CDH18: variants seen among roughly 807,000 people sequenced by gnomAD.
CDH18 encodes the protein cadherin 18, also known as cadherin-18.
Under a neutral mutation model 67.9 loss-of-function variants are expected in CDH18, and 31 were observed. That is an observed-to-expected ratio of 0.46 (90% CI 0.34 to 0.62). CDH18 has a LOEUF of 0.62. Ranked by LOEUF, CDH18 falls within the 20% of genes least tolerant of loss-of-function variation. The pLI, the probability that CDH18 is intolerant of heterozygous loss-of-function variation, is 0.01. For synonymous variants in CDH18, 362 were observed against 347.2 expected (o/e 1.04, Z -0.48); for missense variants, 890 against 975.5 (o/e 0.91, Z 1.17).
intron 5 of CDH18, among the ~76,000 whole-genome samples, chr5:19,632,246 A>C (rs1296330986): frequency 6.6e-6 from 1 of 152,152 alleles, no homozygotes; most frequent in South Asian, 2.1e-4. Flanking sequence ...CAATTCCTGA[A>C]CCGTTCTCTG....
chr5:20,189,935 C>A (rs78393571), intron 2 of CDH18, among the ~76,000 whole-genome samples: 3,524 of 152,206 alleles, frequency 0.023, 124 homozygotes, highest in African/African-American at 0.08. Context: ...CCTTTTAATT[C>A]TTGGTAGGCT....
chr5:19,546,620 T>G (rs1371227307), intron 8 of CDH18, among the ~76,000 whole-genome samples: 1 of 152,156 alleles, frequency 6.6e-6, no homozygotes, highest in Non-Finnish European at 1.5e-5. Context: ...GAACAGAGTG[T>G]AAGTGGAATT....
intron 3 of CDH18, among the ~76,000 whole-genome samples, chr5:19,764,144 C>A: frequency 6.7e-6 from 1 of 149,994 alleles, no homozygotes. Flanking sequence ...ACTCTGCACT[C>A]CAGCCTGGGC....
chr5:19,945,345 T>C (rs1265310047), intron 2 of CDH18, among the ~76,000 whole-genome samples: 1 of 152,164 alleles, frequency 6.6e-6, no homozygotes, highest in Non-Finnish European at 1.5e-5. Context: ...ATTGAAATTC[T>C]AGCACACAAA....
At chr5:20,099,314 T>C (rs1746258155) in intron 2 of CDH18, among the ~76,000 whole-genome samples, 1 of 152,162 alleles carries the variant, frequency 6.6e-6, no homozygotes, top group South Asian at 2.1e-4. Context: ...TGATCAGGCA[T>C]TCATTAGTCA....
At chr5:19,725,778 C>T (rs753191906) in intron 4 of CDH18, among the ~76,000 whole-genome samples, 4 of 152,066 alleles carry the variant, frequency 2.6e-5, no homozygotes, top group Admixed American at 6.6e-5. Context: ...TCAACAACAA[C>T]AACAACAAAA....
rs190884680 is a variant in CDH18 at position 19,957,358 on chromosome 5, A to G, written c.-257+23702T>C. Reference sequence around the variant, plus strand: ...TTATAATTTATATTTATATGTCATTATATACATCAATAATAATATATCATA... The same window carrying G: ...TTATAATTTATATTTATATGTCATTGTATACATCAATAATAATATATCATA... On this transcript the variant is annotated intron_variant, in intron 2 of 12. Coordinates refer to ENST00000382275, the MANE Select transcript of CDH18 (RefSeq NM_004934.5). Among the ~76,000 whole-genome samples, 764 of 151,122 alleles carry G rather than the reference A, an allele frequency of 5.1e-3. 5 individuals carry two copies. The highest frequency in any genetic ancestry group is 5.5e-3 in the Non-Finnish European group (375 of 67,740).
At position 20,432,278 on chromosome 5, in the gene CDH18, G is replaced by A. The variant is rs531047878; in HGVS notation, c.-580+143184C>T. Among the ~76,000 whole-genome samples the A allele has an allele frequency of 1.7e-3, 260 of 152,168 alleles. 1 individual carries two copies. The highest frequency in any genetic ancestry group is 6.8e-3 in the Middle Eastern group (2 of 294). ...CCCAAAATACTAATTATTATTTTCC[G>A]CTGTTCAATCTCATTCAGAGCCTAA... On this transcript the variant is annotated intron_variant, in intron 1 of 14. Coordinates refer to the CDH18 transcript ENST00000507958.
chr5:19,530,652 C>T (rs1748451225), intron 9 of CDH18, among the ~76,000 whole-genome samples: 1 of 151,840 alleles, frequency 6.6e-6, no homozygotes, highest in African/African-American at 2.4e-5. Context: ...TCTCATTGTT[C>T]AATTCCCACC....
At chr5:20,292,983 CA>C (rs1220450743) in intron 1 of CDH18, among the ~76,000 whole-genome samples, 2 of 152,100 alleles carry the variant, frequency 1.3e-5, no homozygotes, top group Non-Finnish European at 2.9e-5. Flanking sequence ...TTAGGGGACA[CA>C]ACTCAACCTA....
At chr5:19,833,733 G>A (rs1020844384) in intron 3 of CDH18, among the ~76,000 whole-genome samples, 2 of 152,056 alleles carry the variant, frequency 1.3e-5, no homozygotes, top group African/African-American at 4.8e-5. Context: ...AACATGAACG[G>A]ATGTTAAATT....
At position 19,969,029 on chromosome 5, in the gene CDH18, C is replaced by T. The variant is rs1397333570; in HGVS notation, c.-257+12031G>A. On this transcript the variant is annotated intron_variant, in intron 2 of 12. Transcript: ENST00000382275. ...ACAAACAACCCCATCAAAAAGTGGG[C>T]AAAGGACATGAACAGACACTTCTCA... 1.9e-3 allele frequency among the ~76,000 whole-genome samples: 256 copies of T among 135,148 alleles called. 2 individuals are homozygous for T. The highest frequency in any genetic ancestry group is 8.6e-3 in the African/African-American group (234 of 27,200). 88.7% of individuals were successfully genotyped at this position (135,148 alleles called of 152,430 possible).
At chr5:20,410,976 C>T (rs960926635) in intron 1 of CDH18, among the ~76,000 whole-genome samples, 9 of 151,846 alleles carry the variant, frequency 5.9e-5, no homozygotes, top group Admixed American at 6.6e-5. Flanking sequence ...ACAAGTGAGA[C>T]GATATCCCAT....
At chr5:20,542,378 TC>T (rs1289738592) in intron 1 of CDH18, among the ~76,000 whole-genome samples, 9 of 151,504 alleles carry the variant, frequency 5.9e-5, no homozygotes, top group Admixed American at 5.9e-4. Context: ...TTATAAAACA[TC>T]CCCATCATGG....
intron 2 of CDH18, among the ~76,000 whole-genome samples, chr5:19,921,510 A>G (rs1447686496): frequency 2.6e-5 from 4 of 151,356 alleles, no homozygotes; most frequent in East Asian, 1.9e-4. Context: ...TAGCCTGGGC[A>G]ACATAGCGAG....
intron 2 of CDH18, among the ~76,000 whole-genome samples, chr5:20,084,540 A>T (rs6879207): frequency 0.021 from 3,251 of 151,980 alleles, 118 homozygotes; most frequent in African/African-American, 0.072. Flanking sequence ...CCCAGTAGGA[A>T]CTCTGTGTGG....
intron 1 of CDH18, among the ~76,000 whole-genome samples, chr5:20,419,634 C>G (rs542642291): frequency 6.9e-6 from 1 of 144,608 alleles, no homozygotes; most frequent in Admixed American, 6.7e-5. Flanking sequence ...CCCGCCACGA[C>G]GCCCAGCTAA....
At chr5:19,693,637 C>A (rs1204061422) in intron 5 of CDH18, among the ~76,000 whole-genome samples, 1 of 152,152 alleles carries the variant, frequency 6.6e-6, no homozygotes, top group African/African-American at 2.4e-5. Flanking sequence ...TGGCTCATGC[C>A]TGTAATCCCA....
At chr5:19,805,146 CCT>C (rs1777903486) in intron 3 of CDH18, among the ~76,000 whole-genome samples, 1 of 151,944 alleles carries the variant, frequency 6.6e-6, no homozygotes, top group South Asian at 2.1e-4. Flanking sequence ...GGGATTTTGC[CCT>C]GTTTCTCAGG....
Sources: gnomAD v4.1 joint callset for allele counts (sites outside exome capture counted in the v4.1 genomes callset) on GRCh38, gnomAD v4.1.1 for gene constraint, MANE v1.5 for transcripts, NCBI Gene and HGNC (gene_info 2026-07-23, HGNC 2026-07-21) for gene names.